ANKRD6: variants seen among roughly 807,000 people sequenced by gnomAD.
The protein encoded by ANKRD6 is ankyrin repeat domain-containing protein 6.
A neutral mutation model predicts 82.3 loss-of-function variants in ANKRD6; 56 were observed. The ratio of observed to expected loss-of-function variants is 0.68; its 90% CI spans 0.55 to 0.85. ANKRD6 has a LOEUF of 0.85. Among genes scored for constraint, ANKRD6 ranks in the 40% least tolerant of loss-of-function variants. The pLI is 0.00. For synonymous variants in ANKRD6, 347 were observed against 352.1 expected, an observed-to-expected ratio of 0.99 and a Z score of 0.16; for missense variants, 852 against 907.6, an observed-to-expected ratio of 0.94 and a Z score of 0.79.
chr6:89,621,931 T>C lies in ANKRD6; in HGVS notation c.802T>C (p.Phe268Leu), dbSNP rs1803499941. The change falls in exon 10 of 16, where the codon TTC becomes CTC. Residue 268 changes from phenylalanine to leucine, a missense_variant. By Grantham distance (22) the Phe-to-Leu change is conservative (BLOSUM62 0). Coordinates refer to ENST00000339746, the MANE Select transcript of ANKRD6 (RefSeq NM_001242809.2). ...LLTKAPQVLR[F>L]SRGRSLRKKR... The stretch of plus-strand genomic sequence containing the variant: ...CGTTTGCCTCCTTCAGGTCTTGCGC[T>C]TCAGTCGTGGGCGAAGCCTGAGGAA... The C allele has an allele frequency of 6.2e-7, 1 of 1,613,878 alleles. No individual in the cohort carries two copies. The highest frequency in any genetic ancestry group is 8.5e-7 in the Non-Finnish European group (1 of 1,179,908).
At position 89,491,344 on chromosome 6, in the gene ANKRD6, T is replaced by G. The variant is rs1777983353; in HGVS notation, c.-144+57969T>G. ...TCAAGTTGAAGAAACTTGAGAAAACTGCAGATATAGGAGGGTTGCTCTTAC... is the reference window on the plus strand; with the variant it reads ...TCAAGTTGAAGAAACTTGAGAAAACGGCAGATATAGGAGGGTTGCTCTTAC... On this transcript the variant is annotated intron_variant, in intron 1 of 15. Transcript: ENST00000339746. Among the ~76,000 whole-genome samples the G allele has an allele frequency of 2.0e-5, 3 of 152,268 alleles. No individual in the cohort carries two copies. The East Asian group carries it at 5.8e-4, about 29-fold the overall frequency.
chr6:89,601,752 T>A (rs1351311875), intron 3 of ANKRD6: 4 of 152,364 alleles, frequency 2.6e-5, no homozygotes, highest in Non-Finnish European at 1.5e-5. Context: ...GAACTTTGTT[T>A]CAGATTACAT....
intron 1 of ANKRD6, among the ~76,000 whole-genome samples, chr6:89,492,118 G>C (rs1172385080): frequency 1.3e-5 from 2 of 152,110 alleles, no homozygotes; most frequent in Non-Finnish European, 2.9e-5. Flanking sequence ...TTTGTTATGG[G>C]GCCTCAGCCA....
intron 1 of ANKRD6, among the ~76,000 whole-genome samples, chr6:89,474,703 C>T (rs777633393): frequency 2.6e-5 from 4 of 152,138 alleles, no homozygotes; most frequent in Non-Finnish European, 5.9e-5. Context: ...AGGTGTGAGC[C>T]ACCGCTCCCA....
intron 2 of ANKRD6, among the ~76,000 whole-genome samples, chr6:89,574,748 G>A (rs1280880438): frequency 6.6e-6 from 1 of 152,184 alleles, no homozygotes; most frequent in Non-Finnish European, 1.5e-5. Context: ...GTTTCCCTTA[G>A]AAAGTGTCAA....
intron 1 of ANKRD6, among the ~76,000 whole-genome samples, chr6:89,453,832 C>T (rs527620910): frequency 5.1e-4 from 78 of 151,582 alleles, no homozygotes; most frequent in Admixed American, 1.5e-3. Flanking sequence ...GATGGAGTCT[C>T]GCTCTGTCGC....
chr6:89,631,599 G>T lies in ANKRD6; in HGVS notation c.*595G>T, dbSNP rs933112370. 9 of 152,112 alleles carry T rather than the reference G, an allele frequency of 5.9e-5. No homozygotes were observed. Among genetic ancestry groups the T allele is most frequent in the African/African-American group, 2.2e-4 (9 of 41,402 alleles). The allele number at this position is 152,112 out of a possible 1,614,324, so 9.4% of individuals were successfully genotyped here. ...TGTCACAAGATCCAATATATCTTATGATAAAATTTATTGAAAAGTCAGTTT... is the reference window on the plus strand; with the variant it reads ...TGTCACAAGATCCAATATATCTTATTATAAAATTTATTGAAAAGTCAGTTT... On this transcript the variant is annotated 3_prime_UTR_variant, in exon 16 of 16. Transcript: ENST00000339746.
At chr6:89,613,534 C>G (rs113827818) in intron 6 of ANKRD6, among the ~76,000 whole-genome samples, 2 of 152,222 alleles carry the variant, frequency 1.3e-5, no homozygotes, top group South Asian at 2.1e-4. Context: ...GGGGAGCAGA[C>G]GTCTAGTTTC....
intron 1 of ANKRD6, among the ~76,000 whole-genome samples, chr6:89,560,059 A>T (rs541852217): frequency 2.4e-4 from 37 of 152,330 alleles, no homozygotes; most frequent in African/African-American, 7.9e-4. Context: ...GGGATACAAG[A>T]TGACCAAAAC....
intron 2 of ANKRD6, among the ~76,000 whole-genome samples, chr6:89,586,305 CAGAAG>C (rs1448732567): frequency 6.6e-6 from 1 of 152,078 alleles, no homozygotes; most frequent in Non-Finnish European, 1.5e-5. Context: ...TGTTAGAAAC[CAGAAG>C]AGAAGCAAGA....
chr6:89,630,619 T>C lies in ANKRD6; in HGVS notation c.1799T>C (p.Met600Thr). Residue 600 changes from methionine to threonine, a missense_variant, in exon 16 of 16, where the codon ATG becomes ACG. Coordinates refer to ENST00000339746, the MANE Select transcript of ANKRD6 (RefSeq NM_001242809.2). ...AAGGTCCAGACAGCCTTGCTACCCA[T>C]GAATGAGGCAGCCAGATCTGATCAG... The part of the protein sequence containing the change: ...NVKVQTALLP[M>T]NEAARSDQQA... 2 of 1,613,866 alleles carry C rather than the reference T, an allele frequency of 1.2e-6. No individual in the cohort carries two copies. The highest frequency in any genetic ancestry group is 1.6e-4 in the Middle Eastern group (1 of 6,062).
chr6:89,543,603 G>T (rs912288202), intron 1 of ANKRD6, among the ~76,000 whole-genome samples: 3 of 152,134 alleles, frequency 2.0e-5, no homozygotes, highest in Non-Finnish European at 4.4e-5. Flanking sequence ...GTGGTAGAAG[G>T]TTCTTTTGTA....
At position 89,516,319 on chromosome 6, in the gene ANKRD6, C is replaced by T. The variant is rs2127954952; in HGVS notation, c.-143-50515C>T. On this transcript the variant is annotated intron_variant, in intron 1 of 15. Coordinates refer to ENST00000339746, the MANE Select transcript of ANKRD6 (RefSeq NM_001242809.2). Reference sequence around the variant, plus strand: ...CCCTGCCTGAGTCCATGAGCTGAGACATCAATCTTCTGCCCTTCAACTAAG... The same window carrying T: ...CCCTGCCTGAGTCCATGAGCTGAGATATCAATCTTCTGCCCTTCAACTAAG... Among the ~76,000 whole-genome samples, 4 of 152,322 alleles carry T rather than the reference C, an allele frequency of 2.6e-5. No homozygotes were observed. The South Asian group carries it at 8.3e-4, about 32-fold the overall frequency.
chr6:89,612,826 G>A (rs1427246646), intron 6 of ANKRD6, among the ~76,000 whole-genome samples: 1 of 152,220 alleles, frequency 6.6e-6, no homozygotes, highest in Non-Finnish European at 1.5e-5. Context: ...TCCTTGGGAT[G>A]AGCTGACCGG....
intron 1 of ANKRD6, among the ~76,000 whole-genome samples, chr6:89,497,319 A>C (rs1015775406): frequency 6.6e-6 from 1 of 152,236 alleles, no homozygotes; most frequent in Non-Finnish European, 1.5e-5. Flanking sequence ...TTCACTCAGC[A>C]TACCTGTCTC....
At chr6:89,549,927 GAAAA>G (rs1259272356) in intron 1 of ANKRD6, among the ~76,000 whole-genome samples, 2 of 147,544 alleles carry the variant, frequency 1.4e-5, no homozygotes, top group South Asian at 2.2e-4. Context: ...AAAAAGAAAA[GAAAA>G]AAAAAGAAAA....
intron 1 of ANKRD6, among the ~76,000 whole-genome samples, chr6:89,437,951 C>A (rs115482279): frequency 2.6e-5 from 4 of 152,140 alleles, no homozygotes; most frequent in Admixed American, 6.5e-5. Context: ...CATAACACCA[C>A]GCCCTACTAT....
chr6:89,516,391 C>T (rs1352435539), intron 1 of ANKRD6, among the ~76,000 whole-genome samples: 1 of 152,204 alleles, frequency 6.6e-6, no homozygotes, highest in Non-Finnish European at 1.5e-5. Flanking sequence ...TAGACTGAGA[C>T]TCAAATTTAC....
chr6:89,570,068 T>TGC (rs1282125943), intron 2 of ANKRD6, among the ~76,000 whole-genome samples: 1 of 149,738 alleles, frequency 6.7e-6, no homozygotes, highest in Non-Finnish European at 1.5e-5. Context: ...TGTATATGTG[T>TGC]GTGTGTGTGT....
Sources: gnomAD v4.1 joint callset for allele counts (sites outside exome capture counted in the v4.1 genomes callset) on GRCh38, gnomAD v4.1.1 for gene constraint, MANE v1.5 for transcripts, NCBI Gene and HGNC (gene_info 2026-07-23, HGNC 2026-07-21) for gene names.